FHIP1A: variants seen among roughly 807,000 people sequenced by gnomAD.
The protein encoded by FHIP1A is FHF complex subunit HOOK interacting protein 1A.
Under a neutral mutation model 88.6 loss-of-function variants are expected in FHIP1A, and 61 were observed. That is an observed-to-expected ratio of 0.69 (90% CI 0.56 to 0.85). FHIP1A has a LOEUF of 0.85. Among genes scored for constraint, FHIP1A ranks in the 40% least tolerant of loss-of-function variants. The probability of loss-of-function intolerance (pLI) is 0.00; values close to 1 mark genes in which losing one functional copy is unlikely to be tolerated. For synonymous variants in FHIP1A, 478 were observed against 496.0 expected, an observed-to-expected ratio of 0.96 and a Z score of 0.48; for missense variants, 1,154 against 1,273.5, an observed-to-expected ratio of 0.91 and a Z score of 1.43.
rs140105381 is a variant in FHIP1A, at chr4:151,420,497, A to G, written c.-356+11032A>G. On this transcript the variant is annotated intron_variant, in intron 1 of 13. Transcript: ENST00000435205. ...CTTTCCAGTTATTTTAGTGATGTGC[A>G]TTCTTCCAAGCCTAGTTCAGAGCTG... 2.4e-3 allele frequency among the ~76,000 whole-genome samples: 370 copies of G among 152,108 alleles called. 1 individual carries two copies. Among genetic ancestry groups the G allele is most frequent in the African/African-American group, 8.5e-3 (354 of 41,478 alleles).
At position 151,649,699 on chromosome 4, in the gene FHIP1A, G is replaced by T; in HGVS notation, c.1658G>T (p.Gly553Val). 6.4e-7 allele frequency: 1 copy of T among 1,551,488 alleles called. No individual in the cohort carries two copies. Among genetic ancestry groups the T allele is most frequent in the Non-Finnish European group, 8.7e-7 (1 of 1,146,936 alleles). Residue 553 changes from glycine (G) to valine (V), a missense_variant, in exon 11 of 14, where the codon GGG becomes GTG. Coordinates refer to ENST00000435205, the MANE Select transcript of FHIP1A (RefSeq NM_001109977.3). ...GSVSSACPVF[G>V]LPQQLPRKTG... The stretch of plus-strand genomic sequence containing the variant: ...GTGAGCTCGGCCTGCCCTGTGTTCG[G>T]GCTCCCGCAACAACTCCCCAGGAAG...
chr4:151,439,701 T>G (rs1363765134), intron 1 of FHIP1A, among the ~76,000 whole-genome samples: 1 of 152,196 alleles, frequency 6.6e-6, no homozygotes, highest in Non-Finnish European at 1.5e-5. Context: ...TGATCTTACC[T>G]TCTGCTTAAG....
Position 151,670,366 on chromosome 4 carries a change from T to G in FHIP1A, c.*7612T>G, listed in dbSNP as rs1191275755. On this transcript the variant is annotated 3_prime_UTR_variant, in exon 14 of 14. Transcript: ENST00000435205. ...TCAATTTCATGTTACAACTTTTTTC[T>G]TGTTTCTTTTTATCTTGTTTGGCCT... is the stretch of plus-strand genomic sequence containing the variant. The G allele has an allele frequency of 6.6e-6, 1 of 152,212 alleles. No homozygotes were observed. The highest frequency in any genetic ancestry group is 2.4e-5 in the African/African-American group (1 of 41,462). 9.4% of individuals were successfully genotyped at this position (152,212 alleles called of 1,614,324 possible).
chr4:151,412,606 T>TCCTG (rs1561484087), intron 1 of FHIP1A, among the ~76,000 whole-genome samples: 2 of 138,588 alleles, frequency 1.4e-5, no homozygotes, highest in African/African-American at 5.6e-5. Context: ...CTTCCTTCCT[T>TCCTG]CCTTCCTCCC....
rs191193399 is a variant in FHIP1A at position 151,567,273 on chromosome 4, A to G, written c.105+909A>G. ...GTGGCTATTTATGTGACAGTTTTTT[A>G]ATGACTACCCAGTTCCTTCTTGTGG... On this transcript the variant is annotated intron_variant, in intron 4 of 13. Coordinates refer to ENST00000435205, the MANE Select transcript of FHIP1A (RefSeq NM_001109977.3). Among the ~76,000 whole-genome samples, 12 of 152,246 alleles carry G rather than the reference A, an allele frequency of 7.9e-5. No individual in the cohort carries two copies. The East Asian group carries it at 2.3e-3, about 29-fold the overall frequency.
intron 3 of FHIP1A, among the ~76,000 whole-genome samples, chr4:151,489,804 C>T (rs531664422): frequency 2.0e-5 from 3 of 152,038 alleles, no homozygotes; most frequent in Non-Finnish European, 2.9e-5. Context: ...CCTCAGTGGC[C>T]GCAGCAAATC....
intron 2 of FHIP1A, among the ~76,000 whole-genome samples, chr4:151,459,860 C>T (rs73861827): frequency 0.11 from 17,044 of 152,074 alleles, 998 homozygotes; most frequent in African/African-American, 0.13. Context: ...TTAAGGTTGA[C>T]GGAGAGAGAG....
chr4:151,574,043 C>T (rs1733694041), intron 4 of FHIP1A, among the ~76,000 whole-genome samples: 1 of 152,184 alleles, frequency 6.6e-6, no homozygotes, highest in Non-Finnish European at 1.5e-5. Context: ...CCACCAGAGC[C>T]CGCTTGTAAA....
At chr4:151,512,612 C>G (rs1332083536) in intron 3 of FHIP1A, among the ~76,000 whole-genome samples, 1 of 151,784 alleles carries the variant, frequency 6.6e-6, no homozygotes, top group African/African-American at 2.4e-5. Context: ...CTTAAAGGAG[C>G]TGATGGAGCT....
chr4:151,534,662 A>C (rs2126717441), intron 3 of FHIP1A: 1 of 152,352 alleles, frequency 6.6e-6, no homozygotes, highest in Middle Eastern at 3.4e-3. Context: ...TAGTGTATTT[A>C]TCTGCTGTTA....
chr4:151,563,959 C>G (rs1332923444), intron 3 of FHIP1A, among the ~76,000 whole-genome samples: 1 of 135,130 alleles, frequency 7.4e-6, no homozygotes, highest in East Asian at 2.0e-4. Context: ...CTTCTGCACT[C>G]CAGCCTGGTG....
chr4:151,590,207 A>C (rs1734371259), intron 7 of FHIP1A, among the ~76,000 whole-genome samples: 1 of 152,234 alleles, frequency 6.6e-6, no homozygotes, highest in Non-Finnish European at 1.5e-5. Flanking sequence ...ATTCTTTGGC[A>C]GTAATTATCC....
intron 8 of FHIP1A, among the ~76,000 whole-genome samples, chr4:151,631,227 C>T (rs1306617086): frequency 6.6e-6 from 1 of 151,894 alleles, no homozygotes; most frequent in African/African-American, 2.4e-5. Flanking sequence ...ACAAGATTCA[C>T]AAACCTTTAG....
intron 7 of FHIP1A, among the ~76,000 whole-genome samples, chr4:151,591,852 T>C (rs1367303357): frequency 6.6e-6 from 1 of 152,246 alleles, no homozygotes; most frequent in South Asian, 2.1e-4. Context: ...TGCCACATTT[T>C]CTTTAGTCTA....
At chr4:151,618,535 C>G (rs1021207229) in intron 7 of FHIP1A, among the ~76,000 whole-genome samples, 4 of 152,196 alleles carry the variant, frequency 2.6e-5, no homozygotes, top group African/African-American at 7.2e-5. Context: ...TTAGAGGGTC[C>G]TCTAAGTGTT....
At chr4:151,572,681 T>G (rs925725513) in intron 4 of FHIP1A, among the ~76,000 whole-genome samples, 1 of 152,254 alleles carries the variant, frequency 6.6e-6, no homozygotes, top group African/African-American at 2.4e-5. Context: ...CTTGTTTTTT[T>G]CCACAATGCC....
In FHIP1A at chr4:151,511,349, G is replaced by A. The variant is rs191936386; in HGVS notation, c.-123+28701G>A. 2.6e-3 allele frequency among the ~76,000 whole-genome samples: 403 copies of A among 152,336 alleles called. 1 individual carries two copies. The highest frequency in any genetic ancestry group is 9.2e-3 in the African/African-American group (384 of 41,576). On this transcript the variant is annotated intron_variant, in intron 3 of 13. Coordinates refer to ENST00000435205, the MANE Select transcript of FHIP1A (RefSeq NM_001109977.3). ...ACCGCTCCGGTCTACAGCTCCTAGT[G>A]TGAGCGACGCAGAAGACGGGCGATT...
At chr4:151,658,794 A>C (rs1578873654) in intron 13 of FHIP1A, among the ~76,000 whole-genome samples, 1 of 152,340 alleles carries the variant, frequency 6.6e-6, no homozygotes, top group Admixed American at 6.5e-5. Context: ...ATTATCAAAC[A>C]GTGCTCTGAA....
intron 1 of FHIP1A, among the ~76,000 whole-genome samples, chr4:151,418,172 T>TAAAAAAAAAAAAAA (rs1040622837): frequency 3.8e-5 from 3 of 77,928 alleles, no homozygotes; most frequent in Non-Finnish European, 7.1e-5. Context: ...AACCTATCTC[T>TAAAAAAAAAAAAAA]AAAAAAAAAA....
Sources: allele counts gnomAD v4.1 joint callset (sites outside exome capture counted in the v4.1 genomes callset), GRCh38; gene constraint gnomAD v4.1.1; transcripts MANE v1.5; gene names NCBI Gene and HGNC (gene_info 2026-07-23, HGNC 2026-07-21).